The following SPOCK3 variants were observed in gnomAD, a reference collection of about 807,000 sequenced individuals.
SPOCK3 encodes the protein SPARC (osteonectin), cwcv and kazal like domains proteoglycan 3.
In SPOCK3, 30 loss-of-function variants were observed where a neutral mutation model predicts 56.6. The observed-to-expected ratio is 0.53, with a 90% CI of 0.40 to 0.72. The LOEUF (loss-of-function observed/expected upper bound fraction) is 0.72, where lower values mean the gene tolerates loss of function less well. SPOCK3 is among the 30% of genes least tolerant of loss of function. SPOCK3 has a pLI of 0.00. For missense variants in SPOCK3, 527 were observed against 530.0 expected, an observed-to-expected ratio of 0.99 and a Z score of 0.06; for synonymous variants, 196 against 183.3, an observed-to-expected ratio of 1.07 and a Z score of -0.56.
intron 5 of SPOCK3, among the ~76,000 whole-genome samples, chr4:166,911,952 T>C (rs1322879224): frequency 1.3e-5 from 2 of 152,112 alleles, no homozygotes; most frequent in Non-Finnish European, 2.9e-5. Context: ...GTCCCTAGGG[T>C]TTCAGATAAA....
chr4:166,924,225 C>T (rs576273907), intron 4 of SPOCK3, among the ~76,000 whole-genome samples: 49 of 152,146 alleles, frequency 3.2e-4, no homozygotes, highest in Middle Eastern at 6.8e-3. Context: ...AAATATTTAA[C>T]ATAATTTCTT....
intron 6 of SPOCK3, among the ~76,000 whole-genome samples, chr4:166,844,216 A>G (rs1207033838): frequency 6.6e-6 from 1 of 152,190 alleles, no homozygotes; most frequent in Non-Finnish European, 1.5e-5. Context: ...TTCAAATTCT[A>G]CCACTGTCAT....
At chr4:166,913,312 T>C (rs903282055) in intron 4 of SPOCK3, among the ~76,000 whole-genome samples, 2 of 152,180 alleles carry the variant, frequency 1.3e-5, no homozygotes, top group East Asian at 1.9e-4. Context: ...GCAGCTTTGA[T>C]ACAGAATAAC....
intron 2 of SPOCK3, among the ~76,000 whole-genome samples, chr4:167,078,538 G>A (rs1757415756): frequency 6.6e-6 from 1 of 151,472 alleles, no homozygotes; most frequent in South Asian, 2.1e-4. Flanking sequence ...GTGTTTTAAG[G>A]TTGATGTATG....
At chr4:167,099,661 T>G (rs2150322560) in intron 2 of SPOCK3, among the ~76,000 whole-genome samples, 1 of 152,252 alleles carries the variant, frequency 6.6e-6, no homozygotes, top group South Asian at 2.1e-4. Context: ...CATTACTTTC[T>G]GAAACCACCA....
intron 5 of SPOCK3, among the ~76,000 whole-genome samples, chr4:166,900,263 A>C (rs535860166): frequency 3.9e-5 from 6 of 152,174 alleles, no homozygotes; most frequent in Non-Finnish European, 8.8e-5. Context: ...TAATCTACTC[A>C]GTAATGTGTT....
chr4:166,825,462 G>A (rs181664506), intron 6 of SPOCK3, among the ~76,000 whole-genome samples: 478 of 152,156 alleles, frequency 3.1e-3, no homozygotes, highest in Non-Finnish European at 5.2e-3. Context: ...TACAACCACT[G>A]TGGAAAACAG....
intron 6 of SPOCK3, among the ~76,000 whole-genome samples, chr4:166,865,185 T>C (rs985982528): frequency 2.0e-5 from 3 of 152,144 alleles, no homozygotes; most frequent in African/African-American, 7.2e-5. Context: ...AAAAACCACA[T>C]GATTATCTCA....
At chr4:167,056,465 G>T (rs866853706) in intron 3 of SPOCK3, among the ~76,000 whole-genome samples, 1 of 152,176 alleles carries the variant, frequency 6.6e-6, no homozygotes, top group African/African-American at 2.4e-5. Context: ...AGAGAAGAAG[G>T]CTTCAGACGA....
chr4:166,930,663 G>A (rs189890235), intron 4 of SPOCK3, among the ~76,000 whole-genome samples: 1 of 152,080 alleles, frequency 6.6e-6, no homozygotes, highest in Non-Finnish European at 1.5e-5. Flanking sequence ...ACCACAGAAG[G>A]CACTTATGGA....
chr4:166,768,687 G>C (rs1341867223), intron 7 of SPOCK3, among the ~76,000 whole-genome samples: 1 of 152,150 alleles, frequency 6.6e-6, no homozygotes, highest in African/African-American at 2.4e-5. Context: ...TTCTTGAGGA[G>C]TATCTTTGTG....
chr4:166,929,942 A>C (rs1217253768), intron 4 of SPOCK3, among the ~76,000 whole-genome samples: 1 of 152,168 alleles, frequency 6.6e-6, no homozygotes, highest in Non-Finnish European at 1.5e-5. Context: ...AGTGGTCTTT[A>C]CTTAGTCTGT....
chr4:167,082,949 C>G (rs1757856689), intron 2 of SPOCK3, among the ~76,000 whole-genome samples: 1 of 151,944 alleles, frequency 6.6e-6, no homozygotes, highest in African/African-American at 2.4e-5. Context: ...ACTGATCTGA[C>G]TTCACAGCTC....
intron 4 of SPOCK3, among the ~76,000 whole-genome samples, chr4:166,921,455 T>G (rs1476674594): frequency 6.6e-6 from 1 of 151,978 alleles, no homozygotes; most frequent in Non-Finnish European, 1.5e-5. Flanking sequence ...TAGCTGGCAC[T>G]ATAGGCGCAC....
At chr4:167,221,791 A>G (rs559788346) in intron 2 of SPOCK3, among the ~76,000 whole-genome samples, 2 of 152,286 alleles carry the variant, frequency 1.3e-5, no homozygotes, top group East Asian at 3.9e-4. Flanking sequence ...AACAACAACA[A>G]CAAAATGTAA....
chr4:167,191,302 A>C (rs1732455271), intron 2 of SPOCK3, among the ~76,000 whole-genome samples: 1 of 146,030 alleles, frequency 6.8e-6, no homozygotes, highest in African/African-American at 2.6e-5. Flanking sequence ...AAGCAAAAAA[A>C]GCACAGATTT....
At chr4:166,904,174 G>A (rs970398014) in intron 5 of SPOCK3, among the ~76,000 whole-genome samples, 6 of 151,390 alleles carry the variant, frequency 4.0e-5, no homozygotes, top group Admixed American at 2.6e-4. Context: ...TTCTATCCCC[G>A]ATGAACTAAT....
chr4:167,218,205 G>A (rs575708744), intron 2 of SPOCK3, among the ~76,000 whole-genome samples: 1 of 152,162 alleles, frequency 6.6e-6, no homozygotes, highest in South Asian at 2.1e-4. Context: ...TAGAAGTCAG[G>A]GAACTGCCCT....
At chr4:166,741,476 CA>C (rs1357316333) in intron 9 of SPOCK3, among the ~76,000 whole-genome samples, 2 of 152,038 alleles carry the variant, frequency 1.3e-5, no homozygotes, top group Non-Finnish European at 2.9e-5. Flanking sequence ...TATATCCAAA[CA>C]TTCAAATATT....
Sources: gnomAD v4.1 joint callset for allele counts (sites outside exome capture counted in the v4.1 genomes callset) on GRCh38, gnomAD v4.1.1 for gene constraint, MANE v1.5 for transcripts, NCBI Gene and HGNC (gene_info 2026-07-23, HGNC 2026-07-21) for gene names.